Variants in IPO11 observed in about 807,000 individuals in gnomAD.
IPO11 encodes the protein importin-11.
A neutral mutation model predicts 143.2 loss-of-function variants in IPO11; 66 were observed. The observed-to-expected ratio is 0.46, with a 90% confidence interval of 0.38 to 0.57. The LOEUF is 0.57. Ranked by LOEUF, IPO11 falls within the 20% of genes least tolerant of loss-of-function variation. The pLI is 0.00. For synonymous variants in IPO11, 385 were observed against 377.8 expected, an observed-to-expected ratio of 1.02 and a Z score of -0.22; for missense variants, 1,026 against 1,141.0, an observed-to-expected ratio of 0.90 and a Z score of 1.45.
chr5:62,535,761 A>G lies in IPO11; in HGVS notation c.2090-941A>G, dbSNP rs780696646. On this transcript the variant is annotated intron_variant, in intron 22 of 29. Coordinates refer to ENST00000325324, the MANE Select transcript of IPO11 (RefSeq NM_016338.5). ...TTCTTTTTATTAAGATATGATAGAT[A>G]AGAACACAGGGGCTAATCTTTTGCC... Among the ~76,000 whole-genome samples, 35 of 152,162 alleles carry G rather than the reference A, an allele frequency of 2.3e-4. 1 individual carries two copies. Among genetic ancestry groups the G allele is most frequent in the Non-Finnish European group, 4.1e-4 (28 of 67,978 alleles).
At chr5:62,625,771 G>A (rs1369588120) in intron 29 of IPO11, among the ~76,000 whole-genome samples, 1 of 152,198 alleles carries the variant, frequency 6.6e-6, no homozygotes, top group Non-Finnish European at 1.5e-5. Context: ...TAGCTGCTTA[G>A]AAATTCTATT....
At chr5:62,599,522 A>G (rs1745419144) in intron 28 of IPO11, among the ~76,000 whole-genome samples, 1 of 152,232 alleles carries the variant, frequency 6.6e-6, no homozygotes, top group Non-Finnish European at 1.5e-5. Context: ...TATAGATTAA[A>G]TGAAAGTATT....
intron 29 of IPO11, among the ~76,000 whole-genome samples, chr5:62,618,317 A>T (rs1423800740): frequency 6.6e-6 from 1 of 152,186 alleles, no homozygotes; most frequent in Non-Finnish European, 1.5e-5. Flanking sequence ...AGCAAAACTT[A>T]ATTATTCCTA....
Position 62,443,082 on chromosome 5 carries a change from C to T in IPO11, c.238C>T (p.His80Tyr), listed in dbSNP as rs1744554776. Residue 80 changes from histidine to tyrosine, a missense_variant and splice_region_variant, in exon 3 of 30, where the codon CAT (histidine) becomes TAT (tyrosine). Coordinates refer to ENST00000325324, the MANE Select transcript of IPO11 (RefSeq NM_016338.5). ...IDRYWRRVAP[H>Y]ALSEEEKTTL... ...TCGCTACTGGAGACGTGTAGCACCT[C>T]AGTAAGTTCCATCACTTCCCCTATT... is the stretch of plus-strand genomic sequence containing the variant. 1 of 1,583,774 alleles carries T rather than the reference C, an allele frequency of 6.3e-7. No homozygotes were observed. Among genetic ancestry groups the T allele is most frequent in the Non-Finnish European group, 8.6e-7 (1 of 1,156,334 alleles).
intron 5 of IPO11, among the ~76,000 whole-genome samples, chr5:62,459,389 A>AAAATAAATAAATAAAT (rs70981011): frequency 1.5e-3 from 232 of 151,704 alleles, no homozygotes; most frequent in African/African-American, 5.4e-3. Flanking sequence ...CTCTGTCTCA[A>AAAATAAATAAATAAAT]AAATAAATAA....
rs774431661 is a variant in IPO11, at chr5:62,437,334, A to C, written c.55A>C (p.Ser19Arg). 9 of 1,612,526 alleles carry C rather than the reference A, an allele frequency of 5.6e-6. No homozygotes were observed. The highest frequency in any genetic ancestry group is 7.6e-6 in the Non-Finnish European group (9 of 1,179,038). The stretch of plus-strand genomic sequence containing the variant: ...TCTTCAGGTGTTAACACAGGCCACC[A>C]GTCAGGATACTGCTGTGTTAAAACC... ...VVLQVLTQAT[S>R]QDTAVLKPAE... The change falls in exon 2 of 30, where the codon AGT becomes CGT. Residue 19 changes from serine (S) to arginine (R), a missense_variant. This residue lies in a region of IPO11 where 429 missense variants were observed against 456.3 expected (regional missense o/e 0.94). Transcript: ENST00000325324.
At chr5:62,460,788 G>A (rs1745330493) in intron 5 of IPO11, among the ~76,000 whole-genome samples, 1 of 152,126 alleles carries the variant, frequency 6.6e-6, no homozygotes, top group African/African-American at 2.4e-5. Flanking sequence ...TTGTCTCACT[G>A]AATATTCCTT....
chr5:62,435,208 A>ATG (rs77728374), intron 1 of IPO11, among the ~76,000 whole-genome samples: 1 of 70,786 alleles, frequency 1.4e-5, no homozygotes, highest in South Asian at 4.7e-4. Flanking sequence ...ATGTATATAT[A>ATG]TGTGTATATA....
chr5:62,433,574 A>G (rs1486032302), intron 1 of IPO11, among the ~76,000 whole-genome samples: 1 of 152,162 alleles, frequency 6.6e-6, no homozygotes, highest in Admixed American at 6.5e-5. Flanking sequence ...TCTTATCCTA[A>G]CAACTACTGC....
chr5:62,568,564 ACT>A (rs71608513), intron 27 of IPO11, among the ~76,000 whole-genome samples: 44,445 of 103,712 alleles, frequency 0.43, 9,601 homozygotes, highest in Middle Eastern at 0.52. Context: ...ACAGAGCAAG[ACT>A]CTGTCTCCAA....
intron 1 of IPO11, among the ~76,000 whole-genome samples, chr5:62,427,176 G>A (rs1025532531): frequency 6.6e-6 from 1 of 151,698 alleles, no homozygotes; most frequent in African/African-American, 2.4e-5. Flanking sequence ...CTTACCTCAG[G>A]TGATCCACCT....
intron 9 of IPO11, among the ~76,000 whole-genome samples, chr5:62,480,971 A>G (rs1746181469): frequency 8.0e-6 from 1 of 124,552 alleles, no homozygotes; most frequent in African/African-American, 3.2e-5. Flanking sequence ...GTTGGAGTGC[A>G]GTGGCGTGAT....
chr5:62,530,670 G>T (rs764691614), intron 21 of IPO11, 39 bp from the exon 22 acceptor site: 12 of 1,281,484 alleles, frequency 9.4e-6, no homozygotes, highest in Non-Finnish European at 1.1e-6. Flanking sequence ...GCTTTAATGG[G>T]CATGGAAAGT....
intron 5 of IPO11, among the ~76,000 whole-genome samples, chr5:62,459,370 T>C (rs995979486): frequency 6.7e-6 from 1 of 149,488 alleles, no homozygotes; most frequent in Admixed American, 6.6e-5. Flanking sequence ...TTCATTGACA[T>C]TTTTGAGACT....
chr5:62,444,545 A>G (rs922741751), intron 3 of IPO11, among the ~76,000 whole-genome samples: 6 of 151,892 alleles, frequency 4.0e-5, no homozygotes, highest in African/African-American at 9.7e-5. Context: ...GCTAAAATTC[A>G]TTTTGTTTTA....
intron 5 of IPO11, among the ~76,000 whole-genome samples, chr5:62,462,992 A>G (rs1409392574): frequency 6.6e-6 from 1 of 151,854 alleles, no homozygotes; most frequent in Non-Finnish European, 1.5e-5. Context: ...GTTCTAATTT[A>G]CACACATATA....
At chr5:62,491,989 A>G (rs1034104734) in intron 15 of IPO11, among the ~76,000 whole-genome samples, 8 of 152,288 alleles carry the variant, frequency 5.3e-5, no homozygotes, top group Non-Finnish European at 4.4e-5. Context: ...TTAAAATAAC[A>G]TATGTGGCCT....
intron 27 of IPO11, among the ~76,000 whole-genome samples, chr5:62,577,778 A>T (rs953564736): frequency 6.6e-6 from 1 of 152,102 alleles, no homozygotes; most frequent in African/African-American, 2.4e-5. Context: ...TATGGACATA[A>T]TTCATATTAT....
At chr5:62,425,092 C>G (rs964289306) in intron 1 of IPO11, among the ~76,000 whole-genome samples, 1 of 152,168 alleles carries the variant, frequency 6.6e-6, no homozygotes, top group African/African-American at 2.4e-5. Flanking sequence ...TTGCATTACT[C>G]TCTAGGCTCC....
Sources: allele counts gnomAD v4.1 joint callset (sites outside exome capture counted in the v4.1 genomes callset), GRCh38; gene constraint gnomAD v4.1.1; regional missense constraint gnomAD v4.1.1; transcripts MANE v1.5; gene names NCBI Gene and HGNC (gene_info 2026-07-23, HGNC 2026-07-21).